TNRC6A: variants seen among roughly 807,000 people sequenced by gnomAD.
TNRC6A encodes trinucleotide repeat containing adaptor 6A.
A neutral mutation model predicts 221.2 loss-of-function variants in TNRC6A; 44 were observed. The ratio of observed to expected loss-of-function variants is 0.20; its 90% CI spans 0.16 to 0.26. The LOEUF is 0.26. Ranked by LOEUF, TNRC6A falls within the 10% of genes least tolerant of loss-of-function variation. TNRC6A has a pLI of 1.00. For synonymous variants in TNRC6A, 847 were observed against 838.5 expected (o/e 1.01, Z -0.18); for missense variants, 2,199 against 2,404.4 (o/e 0.91, Z 1.79).
intron 2 of TNRC6A, among the ~76,000 whole-genome samples, chr16:24,681,450 ACTCCTGACCTCAAGTGATCC>A (rs1307086552): frequency 2.0e-5 from 3 of 150,550 alleles, no homozygotes; most frequent in Non-Finnish European, 4.4e-5. Flanking sequence ...CTAGTCTCAA[ACTCCTGACCTCAAGTGATCC>A]GCCTGCCTCA....
intron 8 of TNRC6A, 76 bp downstream of exon 8, chr16:24,794,795 C>A: frequency 6.9e-7 from 1 of 1,453,846 alleles, no homozygotes; most frequent in South Asian, 1.4e-5. Flanking sequence ...TAACTTTTCG[C>A]CTGCCCATTT....
chr16:24,745,071 T>A (rs1049669124), intron 2 of TNRC6A, among the ~76,000 whole-genome samples: 2 of 152,214 alleles, frequency 1.3e-5, no homozygotes, highest in Non-Finnish European at 2.9e-5. Flanking sequence ...TAATTGTCAG[T>A]TATTGTAAAT....
At chr16:24,800,102 ATTGTTGCGGTTT>A (rs1202477757) in intron 11 of TNRC6A, among the ~76,000 whole-genome samples, 1 of 152,126 alleles carries the variant, frequency 6.6e-6, no homozygotes, top group Non-Finnish European at 1.5e-5. Flanking sequence ...CAGTGGAGCC[ATTGTTGCGGTTT>A]TTGTTGGAAG....
intron 2 of TNRC6A, among the ~76,000 whole-genome samples, chr16:24,674,264 C>T (rs1478213682): frequency 4.0e-5 from 6 of 151,888 alleles, no homozygotes; most frequent in South Asian, 2.1e-4. Flanking sequence ...AACAAGGTCT[C>T]GATGTGTTGC....
intron 2 of TNRC6A, among the ~76,000 whole-genome samples, chr16:24,649,472 C>A (rs1259009531): frequency 1.3e-5 from 2 of 151,988 alleles, no homozygotes; most frequent in African/African-American, 2.4e-5. Flanking sequence ...CCACACCCAG[C>A]TAATTTTTTT....
intron 4 of TNRC6A, among the ~76,000 whole-genome samples, chr16:24,771,561 T>TATGTTATG (rs1555502085): frequency 1.0e-5 from 1 of 99,178 alleles, no homozygotes; most frequent in Admixed American, 1.1e-4. Context: ...TATGTTATGT[T>TATGTTATG]TTATGTTATG....
chr16:24,820,454 C>T, intron 22 of TNRC6A, 94 bp downstream of exon 22: 1 of 1,122,088 alleles, frequency 8.9e-7, no homozygotes, highest in Non-Finnish European at 1.3e-6. Flanking sequence ...GAACGGTAAA[C>T]TATTGCCTCA....
intron 12 of TNRC6A, 50 bp downstream of exon 12, chr16:24,804,369 A>G (rs752312655): frequency 6.4e-7 from 1 of 1,566,044 alleles, no homozygotes. Context: ...TATACTTCAT[A>G]GCGTAATTTT....
intron 9 of TNRC6A, among the ~76,000 whole-genome samples, chr16:24,796,704 CCA>C (rs2151923405): frequency 6.6e-6 from 1 of 151,682 alleles, no homozygotes; most frequent in South Asian, 2.1e-4. Flanking sequence ...GTGTTCTGTT[CCA>C]CAGTCAGAAG....
chr16:24,658,057 C>A (rs1356493663), intron 2 of TNRC6A, among the ~76,000 whole-genome samples: 1 of 151,992 alleles, frequency 6.6e-6, no homozygotes, highest in Non-Finnish European at 1.5e-5. Flanking sequence ...TCTTTTATTT[C>A]TCCGTGCCTG....
rs1252985080 is a variant in TNRC6A, at chr16:24,789,316, G to A, written c.674G>A (p.Cys225Tyr). The change falls in exon 6 of 25, where the codon TGT becomes TAT. Residue 225 changes from cysteine to tyrosine, a missense_variant. Around this residue, in one of 8 missense-constraint regions of TNRC6A, gnomAD observed 1,405 missense variants for 1,400.2 expected, o/e 1.00. Coordinates refer to ENST00000395799, the MANE Select transcript of TNRC6A (RefSeq NM_014494.4). ...VSSTSDSSTN[C>Y]KNAVVSDLSE... ...TCTACAAGTGATTCTAGCACAAACTGTAAGAATGCTGTTGTAAGTGACTTG... is the reference window on the plus strand; with the variant it reads ...TCTACAAGTGATTCTAGCACAAACTATAAGAATGCTGTTGTAAGTGACTTG... 6.2e-7 allele frequency: 1 copy of A among 1,614,210 alleles called. No individual in the cohort carries two copies.
At chr16:24,681,721 G>T (rs1289052236) in intron 2 of TNRC6A, among the ~76,000 whole-genome samples, 1 of 152,098 alleles carries the variant, frequency 6.6e-6, no homozygotes, top group East Asian at 1.9e-4. Context: ...ATCCTTAGGG[G>T]CTAGAACAGT....
At chr16:24,788,610 TGC>T (rs2058024169) in intron 5 of TNRC6A, among the ~76,000 whole-genome samples, 1 of 152,016 alleles carries the variant, frequency 6.6e-6, no homozygotes, top group African/African-American at 2.4e-5. Flanking sequence ...GTTATCCTAA[TGC>T]GTAGCTGCCT....
chr16:24,626,854 A>T (rs965550241), intron 1 of TNRC6A, among the ~76,000 whole-genome samples: 1 of 150,834 alleles, frequency 6.6e-6, no homozygotes, highest in Non-Finnish European at 1.5e-5. Context: ...GGGTTTCACC[A>T]TGTTAGCCAG....
intron 5 of TNRC6A, among the ~76,000 whole-genome samples, chr16:24,778,092 A>G (rs528961669): frequency 7.2e-5 from 11 of 152,324 alleles, no homozygotes; most frequent in Admixed American, 5.9e-4. Context: ...TGCCCATACA[A>G]GAACACACTT....
Position 24,818,731 on chromosome 16 carries a change from G to A in TNRC6A, c.5080+31G>A, listed in dbSNP as rs753876002. 6 of 1,552,242 alleles carry A rather than the reference G, an allele frequency of 3.9e-6. No individual in the cohort carries two copies. The Admixed American group carries it at 8.3e-5, about 22-fold the overall frequency. ...CCTCGCCTTCGCTCAGGAAGGGAGG[G>A]TTGGTCACAGCCAGAGCCGCGGCTG... On this transcript the variant is annotated intron_variant, in intron 21 of 24. Transcript: ENST00000395799.
intron 2 of TNRC6A, among the ~76,000 whole-genome samples, chr16:24,732,452 T>G (rs1052889471): frequency 3.9e-5 from 6 of 152,184 alleles, no homozygotes; most frequent in African/African-American, 7.2e-5. Flanking sequence ...TTCCTAAGAT[T>G]TTACATGGAC....
At chr16:24,718,705 A>G (rs2056358303) in intron 2 of TNRC6A, among the ~76,000 whole-genome samples, 1 of 152,158 alleles carries the variant, frequency 6.6e-6, no homozygotes, top group African/African-American at 2.4e-5. Flanking sequence ...AACTAGTTAG[A>G]AAGACCTCTT....
chr16:24,816,928 A>G lies in TNRC6A; in HGVS notation c.4944A>G (p.Glu1648=). 2 of 1,614,038 alleles carry G rather than the reference A, an allele frequency of 1.2e-6. No individual in the cohort carries two copies. Among genetic ancestry groups the G allele is most frequent in the Non-Finnish European group, 1.7e-6 (2 of 1,180,012 alleles). ...INNLSINTVR[E]VDHLRDRNSG... is the part of the protein sequence containing the mutation. ...ATCTTTCAATTAATACTGTGCGGGA[A>G]GTTGACCACCTCAGGGACAGGAACA... The change falls in exon 20 of 25, where the codon GAA becomes GAG. Residue 1648 remains glutamate, a synonymous_variant. Coordinates refer to ENST00000395799, the MANE Select transcript of TNRC6A (RefSeq NM_014494.4).
Sources: gnomAD v4.1 joint callset for allele counts (sites outside exome capture counted in the v4.1 genomes callset) on GRCh38, gnomAD v4.1.1 for gene constraint, gnomAD v4.1.1 regional missense constraint, MANE v1.5 for transcripts, NCBI Gene and HGNC (gene_info 2026-07-23, HGNC 2026-07-21) for gene names.